SLC14A2: variants seen among roughly 807,000 people sequenced by gnomAD.
SLC14A2 encodes the protein urea transporter 2.
SLC14A2 carries 91 observed loss-of-function variants against 104.6 expected under a neutral mutation model. That is an observed-to-expected ratio of 0.87 (90% confidence interval 0.73 to 1.04). SLC14A2 has a LOEUF of 1.04. Among genes scored for constraint, SLC14A2 ranks in the 50% least tolerant of loss-of-function variants. The pLI is 0.00. For synonymous variants in SLC14A2, 476 were observed against 466.4 expected, an observed-to-expected ratio of 1.02 and a Z score of -0.27; for missense variants, 1,189 against 1,156.0, an observed-to-expected ratio of 1.03 and a Z score of -0.41.
rs149305191 is a variant in SLC14A2, at chr18:45,639,886, G to A, written c.984G>A (p.Leu328=). The change falls in exon 7 of 20, where the codon CTG becomes CTA. Residue 328 remains leucine, a synonymous_variant. Transcript: ENST00000255226. ...CAGCCATTGGCTCAATCGTGGGGCT[G>A]CTAGCAGGTAGGACAGAGCTCCCTC... ...LHAAIGSIVG[L]LAALSVATPF... is the part of the protein sequence containing the mutation. The A allele has an allele frequency of 6.2e-7, 1 of 1,613,138 alleles. No individual in the cohort carries two copies. Among genetic ancestry groups the A allele is most frequent in the Non-Finnish European group, 8.5e-7 (1 of 1,179,824 alleles).
intron 2 of SLC14A2, among the ~76,000 whole-genome samples, chr18:45,493,704 C>A (rs2043041020): frequency 6.6e-6 from 1 of 152,206 alleles, no homozygotes; most frequent in Non-Finnish European, 1.5e-5. Flanking sequence ...GCCAAAATTA[C>A]CTTCTATGAT....
At chr18:45,392,458 C>T (rs562731681) in intron 1 of SLC14A2, among the ~76,000 whole-genome samples, 2 of 152,224 alleles carry the variant, frequency 1.3e-5, no homozygotes, top group South Asian at 2.1e-4. Context: ...TAATATTCAC[C>T]CAGCCTTCAC....
Position 45,666,191 on chromosome 18 carries a change from G to C in SLC14A2, c.1529G>C (p.Arg510Pro). ...CAAAACAAAGACCCATTTCCCTATCGATACCGGAAGCCCACAGTCGAGCTG... is the reference window on the plus strand; with the variant it reads ...CAAAACAAAGACCCATTTCCCTATCCATACCGGAAGCCCACAGTCGAGCTG... ...ERQNKDPFPY[R>P]YRKPTVELLD... The change falls in exon 12 of 20, where the codon CGA (arginine) becomes CCA (proline). Residue 510 changes from arginine (R) to proline (P), a missense_variant. Transcript: ENST00000255226. 6.2e-7 allele frequency: 1 copy of C among 1,613,188 alleles called. No homozygotes were observed. Among genetic ancestry groups the C allele is most frequent in the Non-Finnish European group, 8.5e-7 (1 of 1,179,434 alleles).
At chr18:45,222,645 T>C (rs986631023) in intron 1 of SLC14A2, among the ~76,000 whole-genome samples, 14 of 151,578 alleles carry the variant, frequency 9.2e-5, no homozygotes, top group African/African-American at 3.4e-4. Context: ...AAGGCAGAGG[T>C]GAGAAAGAGA....
intron 1 of SLC14A2, among the ~76,000 whole-genome samples, chr18:45,455,222 A>G (rs1244748114): frequency 6.6e-6 from 1 of 152,212 alleles, no homozygotes; most frequent in South Asian, 2.1e-4. Context: ...ACTATTCACA[A>G]TAGCAAAGAC....
chr18:45,430,624 G>A (rs1370976802), intron 1 of SLC14A2, among the ~76,000 whole-genome samples: 1 of 151,808 alleles, frequency 6.6e-6, no homozygotes, highest in Non-Finnish European at 1.5e-5. Flanking sequence ...TTCCCAGGCT[G>A]GAGTGCAGTG....
intron 2 of SLC14A2, among the ~76,000 whole-genome samples, chr18:45,500,054 T>C (rs1049910438): frequency 6.6e-6 from 1 of 152,214 alleles, no homozygotes; most frequent in Non-Finnish European, 1.5e-5. Context: ...TAATCATGGA[T>C]AATATAATTA....
At chr18:45,488,693 C>T (rs902877974) in intron 2 of SLC14A2, among the ~76,000 whole-genome samples, 11 of 152,170 alleles carry the variant, frequency 7.2e-5, no homozygotes, top group African/African-American at 2.7e-4. Context: ...GGGTTAAAAA[C>T]ATTTAAGGGG....
intron 1 of SLC14A2, chr18:45,435,054 T>C (rs538479356): frequency 6.6e-6 from 1 of 152,328 alleles, no homozygotes; most frequent in South Asian, 2.1e-4. Flanking sequence ...TTTATAATAA[T>C]GTATCATATT....
intron 1 of SLC14A2, among the ~76,000 whole-genome samples, chr18:45,234,146 A>C (rs1406368408): frequency 1.3e-5 from 2 of 152,192 alleles, no homozygotes; most frequent in Admixed American, 6.5e-5. Flanking sequence ...TAACCTGCCC[A>C]GCACCAGAAG....
chr18:45,283,610 A>G (rs1475890735), intron 1 of SLC14A2, among the ~76,000 whole-genome samples: 1 of 152,254 alleles, frequency 6.6e-6, no homozygotes, highest in African/African-American at 2.4e-5. Context: ...TTATTAAATC[A>G]GGTATACATA....
At chr18:45,460,742 T>C (rs1160450348) in intron 1 of SLC14A2, among the ~76,000 whole-genome samples, 1 of 152,024 alleles carries the variant, frequency 6.6e-6, no homozygotes, top group African/African-American at 2.4e-5. Context: ...GCAGTTTTAA[T>C]GCGATACATG....
intron 5 of SLC14A2, chr18:45,634,725 G>A (rs1253984523): frequency 5.9e-5 from 26 of 437,986 alleles, no homozygotes; most frequent in Admixed American, 4.1e-4. Flanking sequence ...TAAGCCTTTG[G>A]ATTTCTATAT....
intron 1 of SLC14A2, among the ~76,000 whole-genome samples, chr18:45,387,985 A>AGGTCAGGTTATGTGCAAAGGAGGTCATTT (rs1568177774): frequency 4.0e-5 from 6 of 150,176 alleles, no homozygotes; most frequent in Non-Finnish European, 5.9e-5. Context: ...GGAGGTCATT[A>AGGTCAGGTTATGTGCAAAGGAGGTCATTT]TTTAAAGGCT....
intron 4 of SLC14A2, among the ~76,000 whole-genome samples, chr18:45,629,255 C>T (rs889885798): frequency 2.6e-5 from 4 of 152,168 alleles, no homozygotes; most frequent in Admixed American, 2.0e-4. Flanking sequence ...TCTAGGGTGG[C>T]GTTGGAGGAC....
chr18:45,410,299 G>A (rs1358832596), intron 1 of SLC14A2, among the ~76,000 whole-genome samples: 1 of 152,050 alleles, frequency 6.6e-6, no homozygotes, highest in Non-Finnish European at 1.5e-5. Context: ...CAGGGGTCAG[G>A]GACTCTTGTT....
intron 1 of SLC14A2, among the ~76,000 whole-genome samples, chr18:45,358,550 C>T (rs576715494): frequency 2.0e-5 from 3 of 152,280 alleles, no homozygotes; most frequent in Non-Finnish European, 4.4e-5. Flanking sequence ...ACTCATAAAA[C>T]TCGACTTACT....
intron 1 of SLC14A2, among the ~76,000 whole-genome samples, chr18:45,221,885 T>C (rs1485676724): frequency 6.6e-6 from 1 of 151,948 alleles, no homozygotes; most frequent in Non-Finnish European, 1.5e-5. Flanking sequence ...ATGGGAAAGA[T>C]AGACAAAGGC....
chr18:45,551,734 G>A (rs1341249770), intron 2 of SLC14A2, among the ~76,000 whole-genome samples: 4 of 152,204 alleles, frequency 2.6e-5, no homozygotes, highest in Non-Finnish European at 5.9e-5. Flanking sequence ...ACTGTGAAAG[G>A]TAGCACTTCT....
Sources: allele counts gnomAD v4.1 joint callset (sites outside exome capture counted in the v4.1 genomes callset), GRCh38; gene constraint gnomAD v4.1.1; transcripts MANE v1.5; gene names NCBI Gene and HGNC (gene_info 2026-07-23, HGNC 2026-07-21).